The following CSMD1 variants were observed in gnomAD, a reference collection of about 807,000 sequenced individuals.
CSMD1 encodes the protein CUB and Sushi multiple domains 1, also known as CUB and sushi domain-containing protein 1.
CSMD1 carries 213 observed loss-of-function variants against 417.5 expected under a neutral mutation model. That is an observed-to-expected ratio of 0.51 (90% CI 0.46 to 0.57). The LOEUF (loss-of-function observed/expected upper bound fraction) is 0.57, where lower values mean the gene tolerates loss of function less well. CSMD1 is among the 20% of genes least tolerant of loss of function. The probability of loss-of-function intolerance (pLI) is 0.00; values close to 1 mark genes in which losing one functional copy is unlikely to be tolerated. For synonymous variants in CSMD1, 2,862 were observed against 1,736.8 expected (o/e 1.65, Z -16.11); for missense variants, 6,923 against 4,529.7 (o/e 1.53, Z -15.17).
intron 5 of CSMD1, among the ~76,000 whole-genome samples, chr8:3,818,496 T>C (rs17067645): frequency 0.012 from 1,791 of 152,176 alleles, 31 homozygotes; most frequent in African/African-American, 0.039. Context: ...TTCTTAGGCA[T>C]GAGAGATACA....
intron 1 of CSMD1, among the ~76,000 whole-genome samples, chr8:4,711,953 A>T (rs1015684334): frequency 3.3e-5 from 5 of 152,184 alleles, no homozygotes; most frequent in African/African-American, 1.2e-4. Flanking sequence ...TGCACATCTC[A>T]TTTGCGGTAC....
intron 12 of CSMD1, among the ~76,000 whole-genome samples, chr8:3,430,904 T>C (rs1459188340): frequency 1.3e-5 from 2 of 152,088 alleles, no homozygotes; most frequent in South Asian, 2.1e-4. Flanking sequence ...TTGAAGAAAA[T>C]TGGATAATAT....
chr8:4,071,727 A>G (rs1010478869), intron 3 of CSMD1, among the ~76,000 whole-genome samples: 12 of 152,182 alleles, frequency 7.9e-5, no homozygotes, highest in African/African-American at 2.2e-4. Flanking sequence ...ATGCTCCTCC[A>G]AAAAGTTGAT....
At chr8:3,282,262 C>G (rs531170026) in intron 26 of CSMD1, among the ~76,000 whole-genome samples, 12 of 151,956 alleles carry the variant, frequency 7.9e-5, no homozygotes, top group Admixed American at 6.6e-4. Context: ...ACAAATGGAC[C>G]ACTCTGTGGG....
intron 39 of CSMD1, among the ~76,000 whole-genome samples, chr8:3,154,780 T>G (rs1036081688): frequency 2.0e-5 from 3 of 152,160 alleles, no homozygotes; most frequent in African/African-American, 7.2e-5. Flanking sequence ...TCTAGAGAAG[T>G]GGTTTTATAT....
chr8:3,414,184 A>G (rs1185973320), intron 12 of CSMD1, among the ~76,000 whole-genome samples: 1 of 137,190 alleles, frequency 7.3e-6, no homozygotes, highest in Non-Finnish European at 1.5e-5. Context: ...ATGATTTGGT[A>G]TCAATTCAAA....
At chr8:3,512,535 G>A (rs918375562) in intron 10 of CSMD1, among the ~76,000 whole-genome samples, 5 of 108,366 alleles carry the variant, frequency 4.6e-5, no homozygotes, top group African/African-American at 1.9e-4. Flanking sequence ...TGGTGGGCTG[G>A]TGGGTGAGTC....
In CSMD1 at chr8:4,050,883, G is replaced by C. The variant is rs140920847; in HGVS notation, c.416-18784C>G. Reference sequence around the variant, plus strand: ...TGAAAGGGCACTTCTAATACTCCCAGATTAAAAATAAGCCTACCTTTACGT... The same window carrying C: ...TGAAAGGGCACTTCTAATACTCCCACATTAAAAATAAGCCTACCTTTACGT... On this transcript the variant is annotated intron_variant, in intron 3 of 69. Transcript: ENST00000635120. 8.7e-3 allele frequency among the ~76,000 whole-genome samples: 1,322 copies of C among 152,164 alleles called. 8 individuals are homozygous for C. The highest frequency in any genetic ancestry group is 0.014 in the Non-Finnish European group (964 of 68,012).
chr8:3,294,489 C>T (rs576367507), intron 25 of CSMD1, among the ~76,000 whole-genome samples: 40 of 152,266 alleles, frequency 2.6e-4, no homozygotes, highest in African/African-American at 7.7e-4. Context: ...AGCTTCTGGG[C>T]CGTTTTTTTA....
chr8:3,341,808 T>G (rs1807675603), intron 23 of CSMD1, among the ~76,000 whole-genome samples: 1 of 152,210 alleles, frequency 6.6e-6, no homozygotes, highest in East Asian at 1.9e-4. Flanking sequence ...ACAGTTTTTC[T>G]TCTCAAGTAT....
chr8:3,716,923 T>G (rs1356029254), intron 6 of CSMD1, among the ~76,000 whole-genome samples: 1 of 152,200 alleles, frequency 6.6e-6, no homozygotes, highest in Non-Finnish European at 1.5e-5. Context: ...GTACATCCTA[T>G]TTAATTCCAC....
At position 3,402,471 on chromosome 8, in the gene CSMD1, G is replaced by A. The variant is rs181382551; in HGVS notation, c.2267-2942C>T. ...GCCACTGAGCTGCATTGAGGAATAC[G>A]AGCCTGTTAGAAGCAGAAGAAAGAG... On this transcript the variant is annotated intron_variant, in intron 15 of 69. Coordinates refer to ENST00000635120, the MANE Select transcript of CSMD1 (RefSeq NM_033225.6). Among the ~76,000 whole-genome samples, 9 of 152,222 alleles carry A rather than the reference G, an allele frequency of 5.9e-5. No individual in the cohort carries two copies. The East Asian group carries it at 1.5e-3, about 26-fold the overall frequency.
At chr8:4,340,890 C>G (rs987354983) in intron 3 of CSMD1, among the ~76,000 whole-genome samples, 3 of 151,934 alleles carry the variant, frequency 2.0e-5, no homozygotes, top group African/African-American at 7.3e-5. Flanking sequence ...ATGAATATTA[C>G]CTACAATTTA....
At chr8:4,094,121 T>C (rs1585300598) in intron 3 of CSMD1, among the ~76,000 whole-genome samples, 1 of 152,070 alleles carries the variant, frequency 6.6e-6, no homozygotes, top group African/African-American at 2.4e-5. Context: ...CAACAGATGG[T>C]GCCTCCGTGT....
chr8:3,348,234 A>C (rs916890066), intron 21 of CSMD1, 73 bp from the exon 22 acceptor site: 2 of 1,122,514 alleles, frequency 1.8e-6, no homozygotes, highest in African/African-American at 3.2e-5. Flanking sequence ...TAAAAACTTT[A>C]AAATCATGAT....
At chr8:4,617,414 T>C (rs576999298) in intron 2 of CSMD1, among the ~76,000 whole-genome samples, 69 of 152,306 alleles carry the variant, frequency 4.5e-4, no homozygotes, top group African/African-American at 1.5e-3. Context: ...TTCCATATTT[T>C]AAATATGCAA....
At chr8:3,322,547 T>C (rs1176040075) in intron 23 of CSMD1, among the ~76,000 whole-genome samples, 2 of 152,206 alleles carry the variant, frequency 1.3e-5, no homozygotes, top group African/African-American at 2.4e-5. Flanking sequence ...TAACTACCTA[T>C]GGAACTTTCT....
chr8:4,511,484 G>A (rs1274986279), intron 2 of CSMD1, among the ~76,000 whole-genome samples: 3 of 152,218 alleles, frequency 2.0e-5, no homozygotes, highest in Admixed American at 6.5e-5. Flanking sequence ...TGTTCAGCAT[G>A]TAAGAAGCTG....
chr8:4,912,846 T>A (rs1805790211), intron 1 of CSMD1, among the ~76,000 whole-genome samples: 1 of 152,008 alleles, frequency 6.6e-6, no homozygotes, highest in East Asian at 1.9e-4. Context: ...AGTGCAGTGG[T>A]GCAACCTTGG....
Sources: gnomAD v4.1 joint callset for allele counts (sites outside exome capture counted in the v4.1 genomes callset) on GRCh38, gnomAD v4.1.1 for gene constraint, MANE v1.5 for transcripts, NCBI Gene and HGNC (gene_info 2026-07-23, HGNC 2026-07-21) for gene names.